The following INKA2 variants were observed in gnomAD, a reference collection of about 807,000 sequenced individuals.
The protein encoded by INKA2 is inka box actin regulator 2, also known as PAK4-inhibitor INKA2.
In INKA2, 3 loss-of-function variants were observed where a neutral mutation model predicts 9.8. The observed-to-expected ratio is 0.31, with a 90% confidence interval of 0.14 to 0.79. The LOEUF (loss-of-function observed/expected upper bound fraction) is 0.79, where lower values mean the gene tolerates loss of function less well. Ranked by LOEUF, INKA2 falls within the 30% of genes least tolerant of loss-of-function variation. The pLI is 0.62. For synonymous variants in INKA2, 147 were observed against 143.3 expected (o/e 1.03, Z -0.18); for missense variants, 392 against 384.4 (o/e 1.02, Z -0.17).
upstream of INKA2, chr1:111,739,572 T>G (rs1478684965): frequency 3.8e-6 from 2 of 528,846 alleles, no homozygotes; most frequent in Admixed American, 8.4e-5. Context: ...GCGCAGCCAC[T>G]GGGGCTGGCG....
At chr1:111,738,298 G>A (rs749244877) in intron 1 of INKA2, among the ~76,000 whole-genome samples, 6 of 152,180 alleles carry the variant, frequency 3.9e-5, no homozygotes, top group African/African-American at 1.4e-4. Flanking sequence ...GGCAGGTGGC[G>A]TGGGGGCGGG....
chr1:111,751,155 G>T (rs1663400379), intron 1 of INKA2, among the ~76,000 whole-genome samples: 1 of 152,176 alleles, frequency 6.6e-6, no homozygotes, highest in Non-Finnish European at 1.5e-5. Flanking sequence ...AGAAGTGCTG[G>T]ACTCCAGGAA....
At chr1:111,749,456 G>A (rs571769993) in intron 1 of INKA2, among the ~76,000 whole-genome samples, 219 of 152,014 alleles carry the variant, frequency 1.4e-3, no homozygotes, top group Non-Finnish European at 2.3e-3. Context: ...GCGCGCGCGC[G>A]CGTGCTAGGG....
chr1:111,729,985 G>A (rs562904788), intron 1 of INKA2, among the ~76,000 whole-genome samples: 51 of 152,380 alleles, frequency 3.3e-4, no homozygotes, highest in African/African-American at 1.2e-3. Flanking sequence ...AGACAGGCAA[G>A]AAGAAATGGT....
chr1:111,755,729 C>T, exon 1 of INKA2: 1 of 1,613,958 alleles, frequency 6.2e-7, no homozygotes, highest in South Asian at 1.1e-5. Context: ...TCTCCTCCCT[C>T]TTGGGGCTTT....
chr1:111,723,836 A>T lies in INKA2; in HGVS notation c.*3132T>A, dbSNP rs974181755. The T allele has an allele frequency of 6.6e-6, 1 of 152,346 alleles. No individual in the cohort carries two copies. The highest frequency in any genetic ancestry group is 6.5e-5 in the Admixed American group (1 of 15,286). The allele number at this position is 152,346 out of a possible 1,614,324, so 9.4% of individuals were successfully genotyped here. A position where few individuals can be genotyped will look rare whatever the true frequency, so the allele number is the denominator to read the frequency against. ...GGGAAGGGAAAAGTAAGTCTCCATC[A>T]GACAGTCAGCATGCCATTTATGATC... On this transcript the variant is annotated 3_prime_UTR_variant, in exon 2 of 2. Transcript: ENST00000357260.
At chr1:111,755,772 T>C in exon 1 of INKA2, 1 of 1,612,744 alleles carries the variant, frequency 6.2e-7, no homozygotes, top group Non-Finnish European at 8.5e-7. Context: ...GTCTGGGCAG[T>C]CTCTCAGCCT....
chr1:111,737,932 G>C (rs1663040525), intron 1 of INKA2, among the ~76,000 whole-genome samples: 1 of 152,190 alleles, frequency 6.6e-6, no homozygotes, highest in Non-Finnish European at 1.5e-5. Flanking sequence ...CCCCAGAGCT[G>C]GCCCCTAACA....
upstream of INKA2, among the ~76,000 whole-genome samples, chr1:111,742,413 C>T (rs1396233752): frequency 2.0e-5 from 3 of 152,088 alleles, no homozygotes; most frequent in African/African-American, 4.8e-5. Context: ...GGTGAAAACC[C>T]GTCTCTACTA....
upstream of INKA2, among the ~76,000 whole-genome samples, chr1:111,743,624 T>C (rs977771579): frequency 6.6e-6 from 1 of 152,166 alleles, no homozygotes; most frequent in Admixed American, 6.5e-5. Context: ...GAGGTCCCTA[T>C]CCACCAGGTC....
At chr1:111,733,042 T>C (rs939300486) in intron 1 of INKA2, among the ~76,000 whole-genome samples, 1 of 152,152 alleles carries the variant, frequency 6.6e-6, no homozygotes, top group Non-Finnish European at 1.5e-5. Flanking sequence ...GCTGGCCAGG[T>C]AGGTGGAGAT....
Position 111,727,679 on chromosome 1 carries a change from A to T in INKA2, c.183T>A (p.Gly61=). The T allele has an allele frequency of 6.2e-7, 1 of 1,612,274 alleles. No homozygotes were observed. The highest frequency in any genetic ancestry group is 1.1e-5 in the South Asian group (1 of 90,906). The change falls in exon 2 of 2, where the codon GGT becomes GGA. Residue 61 remains glycine (G), a synonymous_variant. Transcript: ENST00000357260. ...ALEQLEISGG[G]PVPGSPEGPR... is the part of the protein sequence containing the mutation. ...GACCTTCAGGGCTGCCTGGCACAGG[A>T]CCCCCTCCAGAGATCTCCAGCTGTT...
At chr1:111,738,593 A>G (rs1041426672) in intron 1 of INKA2, among the ~76,000 whole-genome samples, 5 of 152,160 alleles carry the variant, frequency 3.3e-5, no homozygotes, top group African/African-American at 1.2e-4. Flanking sequence ...CCCTGCTGGC[A>G]GACAAGCCCA....
chr1:111,755,411 G>T (rs1663516272), intron 1 of INKA2: 1 of 502,818 alleles, frequency 2.0e-6, no homozygotes, highest in African/African-American at 2.1e-5. Flanking sequence ...AAACCCTTGG[G>T]TCCAGCTACG....
chr1:111,724,079 A>G lies in INKA2; in HGVS notation c.*2889T>C, dbSNP rs1192630445. On this transcript the variant is annotated 3_prime_UTR_variant, in exon 2 of 2. Transcript: ENST00000357260. The stretch of plus-strand genomic sequence containing the variant: ...ATGTAAAACAAGAGCAACTGCTTTC[A>G]GTGTGTAGTGAGAAGGAAGTAACAG... 6.6e-6 allele frequency: 1 copy of G among 152,248 alleles called. No homozygotes were observed. The highest frequency in any genetic ancestry group is 1.5e-5 in the Non-Finnish European group (1 of 68,036). 9.4% of individuals were successfully genotyped at this position (152,248 alleles called of 1,614,324 possible).
Position 111,724,183 on chromosome 1 carries a change from A to C in INKA2, c.*2785T>G, listed in dbSNP as rs41310094. 0.079 allele frequency: 12,047 copies of C among 152,208 alleles called. 526 individuals carry two copies. The highest frequency in any genetic ancestry group is 0.12 in the African/African-American group (4,976 of 41,502). The allele number at this position is 152,208 out of a possible 1,614,324, so 9.4% of individuals were successfully genotyped here. On this transcript the variant is annotated 3_prime_UTR_variant, in exon 2 of 2. Coordinates refer to ENST00000357260, the MANE Select transcript of INKA2 (RefSeq NM_019099.5). The stretch of plus-strand genomic sequence containing the variant: ...ATTTTTTGTTCTGGCCCAAGTTGAA[A>C]CAAGTTTTCAGTCTCCCAAGTCTCT...
upstream of INKA2, chr1:111,744,361 T>C (rs559688425): frequency 5.3e-5 from 8 of 152,334 alleles, no homozygotes; most frequent in East Asian, 1.4e-3. Context: ...ACAAAGGTTG[T>C]CATTCTCTTA....
At chr1:111,743,894 C>T (rs181570005), upstream of INKA2, among the ~76,000 whole-genome samples, 260 of 152,364 alleles carry the variant, frequency 1.7e-3, no homozygotes, top group Middle Eastern at 6.8e-3. Context: ...TGATCATCAA[C>T]AGGAAAGGCT....
upstream of INKA2, among the ~76,000 whole-genome samples, chr1:111,740,703 T>A (rs1571597796): frequency 6.6e-6 from 1 of 151,848 alleles, no homozygotes; most frequent in South Asian, 2.1e-4. Context: ...GATGCGCGGG[T>A]GGCGCACGCC....
Sources: allele counts gnomAD v4.1 joint callset (sites outside exome capture counted in the v4.1 genomes callset), GRCh38; gene constraint gnomAD v4.1.1; transcripts MANE v1.5; gene names NCBI Gene and HGNC (gene_info 2026-07-23, HGNC 2026-07-21).